DRC4: variants seen among roughly 807,000 people sequenced by gnomAD.
DRC4 encodes the protein dynein regulatory complex subunit 4.
At chr16:90,040,185 C>A in the DRC4 span, 3 of 983,092 alleles carry the variant, frequency 3.1e-6, no homozygotes, top group Non-Finnish European at 4.6e-6. Flanking sequence ...TGGGAGTGGG[C>A]ACTGTTGGGA....
At chr16:90,042,391 C>T in the DRC4 span, 2 of 1,152,008 alleles carry the variant, frequency 1.7e-6, no homozygotes, top group East Asian at 2.4e-5. Context: ...TCTCAGAACG[C>T]CCACTGGAGT....
the DRC4 span, among the ~76,000 whole-genome samples, chr16:90,030,764 G>A: frequency 2.6e-5 from 4 of 151,980 alleles, no homozygotes; most frequent in Non-Finnish European, 4.4e-5. Flanking sequence ...CTATAGGTGC[G>A]TGCCATCATG....
chr16:90,021,517 C>G, the DRC4 span, among the ~76,000 whole-genome samples: 1 of 151,660 alleles, frequency 6.6e-6, no homozygotes, highest in African/African-American at 2.4e-5. Context: ...CTCCAGGGCT[C>G]AAACGATTCT....
chr16:90,021,856 CAAAAAAAA>C, the DRC4 span, among the ~76,000 whole-genome samples: 1 of 28,962 alleles, frequency 3.5e-5, no homozygotes, highest in Non-Finnish European at 6.7e-5. Context: ...ACCCTGTCTC[CAAAAAAAA>C]AAAAAAAAAA....
chr16:90,020,866 C>T, the DRC4 span: 5 of 152,270 alleles, frequency 3.3e-5, no homozygotes, highest in South Asian at 1.0e-3. Flanking sequence ...ACTTCTGAAG[C>T]AAAAAGCCAA....
At chr16:90,027,601 T>A in the DRC4 span, 1 of 1,601,074 alleles carries the variant, frequency 6.2e-7, no homozygotes, top group South Asian at 1.1e-5. Flanking sequence ...GGGGAAGCTG[T>A]TAGAGTCTCT....
the DRC4 span, chr16:90,031,649 C>T: frequency 9.8e-6 from 8 of 814,596 alleles, no homozygotes; most frequent in Non-Finnish European, 1.5e-5. Context: ...GGGAGAGACC[C>T]TGCAGGTCCT....
At chr16:90,037,897 A>G in the DRC4 span, 1 of 1,525,236 alleles carries the variant, frequency 6.6e-7, no homozygotes, top group Non-Finnish European at 9.1e-7. Flanking sequence ...TGTTAGAGCA[A>G]CGGTTCACCA....
At chr16:90,036,207 C>T in the DRC4 span, 2 of 623,264 alleles carry the variant, frequency 3.2e-6, no homozygotes, top group Non-Finnish European at 5.5e-6. Context: ...TGAGTGTGAG[C>T]ATCAGCAGAA....
At chr16:90,022,727 G>A in the DRC4 span, 2 of 1,418,226 alleles carry the variant, frequency 1.4e-6, no homozygotes, top group East Asian at 3.0e-5. Context: ...GCGTCATGGT[G>A]AGCAGGGGCG....
the DRC4 span, chr16:90,043,304 C>G: frequency 6.2e-7 from 1 of 1,612,710 alleles, no homozygotes; most frequent in Non-Finnish European, 8.5e-7. Flanking sequence ...CGGACAGACA[C>G]TGGGCCAGGG....
the DRC4 span, chr16:90,022,702 T>G: frequency 1.4e-6 from 2 of 1,424,596 alleles, no homozygotes; most frequent in Non-Finnish European, 1.8e-6. Flanking sequence ...GAGTCGCCGC[T>G]GGGCCTGTCC....
chr16:90,019,970 G>T, the DRC4 span: 1 of 698,366 alleles, frequency 1.4e-6, no homozygotes, highest in African/African-American at 1.8e-5. The surrounding 1 kb of genome is among the most constrained non-coding windows in gnomAD (Gnocchi z 6.1). Context: ...GGTAAGGAGA[G>T]GGCGGCGGGC....
At chr16:90,022,564 G>A in the DRC4 span, 6 of 765,618 alleles carry the variant, frequency 7.8e-6, no homozygotes, top group Non-Finnish European at 1.1e-5. Flanking sequence ...CGTCTCTAGG[G>A]ACGCACTCCC....
At chr16:90,030,154 G>T in the DRC4 span, among the ~76,000 whole-genome samples, 1 of 151,910 alleles carries the variant, frequency 6.6e-6, no homozygotes, top group South Asian at 2.1e-4. Context: ...GAACCCTCTT[G>T]AGATTTTAGA....
chr16:90,024,469 C>G, the DRC4 span, among the ~76,000 whole-genome samples: 1 of 152,176 alleles, frequency 6.6e-6, no homozygotes, highest in African/African-American at 2.4e-5. Flanking sequence ...TCAGTTGAAA[C>G]ATGCATTACA....
the DRC4 span, among the ~76,000 whole-genome samples, chr16:90,023,669 TCTG>T: frequency 2.8e-3 from 404 of 141,982 alleles, no homozygotes; most frequent in Non-Finnish European, 4.5e-3. Context: ...GGAAGGGTCT[TCTG>T]AAAACCGACT....
At chr16:90,031,197 T>G in the DRC4 span, 2 of 1,564,170 alleles carry the variant, frequency 1.3e-6, no homozygotes, top group Non-Finnish European at 1.7e-6. Context: ...TAGGTGAAGT[T>G]GAGTCCTCCC....
chr16:90,036,338 C>A, the DRC4 span: 1 of 1,532,144 alleles, frequency 6.5e-7, no homozygotes, highest in South Asian at 1.2e-5. Context: ...GTAGGGGCAC[C>A]ACGTCTTCCT....
Sources: gnomAD v4.1 joint callset for allele counts (sites outside exome capture counted in the v4.1 genomes callset) on GRCh38, gnomAD v4.1.1 for gene constraint, Gnocchi (gnomAD v3.1) non-coding constraint, MANE v1.5 for transcripts, NCBI Gene and HGNC (gene_info 2026-07-23, HGNC 2026-07-21) for gene names.